DENND2A: variants seen among roughly 807,000 people sequenced by gnomAD.
The protein encoded by DENND2A is DENN domain-containing protein 2A.
Under a neutral mutation model 105.3 loss-of-function variants are expected in DENND2A, and 53 were observed. The observed-to-expected ratio is 0.50, with a 90% CI of 0.40 to 0.63. The LOEUF (loss-of-function observed/expected upper bound fraction) is 0.63. Among genes scored for constraint, DENND2A ranks in the 30% least tolerant of loss-of-function variants. DENND2A has a pLI of 0.00. For missense variants in DENND2A, 1,138 were observed against 1,279.6 expected (o/e 0.89, Z 1.69); for synonymous variants, 522 against 508.4 (o/e 1.03, Z -0.36).
At chr7:140,634,186 G>T (rs1261180116) in intron 1 of DENND2A, among the ~76,000 whole-genome samples, 1 of 151,882 alleles carries the variant, frequency 6.6e-6, no homozygotes, top group African/African-American at 2.4e-5. Flanking sequence ...TTTTAGTAGA[G>T]ACGGGGTTTC....
At chr7:140,623,794 C>T (rs1352656522) in intron 1 of DENND2A, among the ~76,000 whole-genome samples, 1 of 151,850 alleles carries the variant, frequency 6.6e-6, no homozygotes, top group African/African-American at 2.4e-5. Context: ...TTTAAATAGG[C>T]CACAGTATCA....
chr7:140,600,612 T>C (rs1799448599), intron 3 of DENND2A, among the ~76,000 whole-genome samples: 1 of 151,990 alleles, frequency 6.6e-6, no homozygotes, highest in Non-Finnish European at 1.5e-5. Flanking sequence ...CAATTGGATT[T>C]AGCAAGATGG....
chr7:140,602,384 C>G lies in DENND2A; in HGVS notation c.14G>C (p.Ser5Thr). Residue 5 changes from serine (S) to threonine (T), a missense_variant, in exon 3 of 20, where the codon AGC becomes ACC. This residue lies in a region of DENND2A where 511 missense variants were observed against 499.9 expected (regional missense o/e 1.02). Coordinates refer to ENST00000496613, the MANE Select transcript of DENND2A (RefSeq NM_015689.5). ...TGGGTCACTGATGATCATATCCAAG[C>G]TGAACATATCCATTCTTGACTCTAG... MDMFSLDMIISDPAA... is the reference protein window; with the variant it reads MDMFTLDMIISDPAA... The G allele has an allele frequency of 1.3e-6, 2 of 1,571,740 alleles. No individual in the cohort carries two copies. Among genetic ancestry groups the G allele is most frequent in the East Asian group, 4.5e-5 (2 of 44,404 alleles).
chr7:140,601,661 C>A lies in DENND2A; in HGVS notation c.737G>T (p.Ser246Ile). The A allele has an allele frequency of 6.2e-7, 1 of 1,613,074 alleles. No individual in the cohort carries two copies. The highest frequency in any genetic ancestry group is 1.1e-5 in the South Asian group (1 of 91,010). The change falls in exon 3 of 20, where the codon AGC becomes ATC. Residue 246 changes from serine to isoleucine, a missense_variant. Physicochemically the swap from Ser to Ile is moderately radical, Grantham distance 142 (BLOSUM62 -2). This residue lies in a region of DENND2A where 511 missense variants were observed against 499.9 expected (regional missense o/e 1.02). Coordinates refer to ENST00000496613, the MANE Select transcript of DENND2A (RefSeq NM_015689.5). ...CGAGCCCCTATACACGTTCTCAAGG[C>A]TCCGGTCCCAGGGCCTTCTGCATGA... ...KGSCRRPWDRSLENVYRGSEG... is the reference protein window; with the variant it reads ...KGSCRRPWDRILENVYRGSEG...
chr7:140,588,202 T>C (rs1362627237), intron 3 of DENND2A, among the ~76,000 whole-genome samples: 1 of 152,174 alleles, frequency 6.6e-6, no homozygotes, highest in Non-Finnish European at 1.5e-5. Context: ...GTGCCCGGCC[T>C]GAAATCAACT....
intron 13 of DENND2A, among the ~76,000 whole-genome samples, chr7:140,545,473 C>T (rs1796857409): frequency 6.6e-6 from 1 of 152,146 alleles, no homozygotes; most frequent in South Asian, 2.1e-4. Context: ...GCCTCAGCTT[C>T]CCAAGTAGCT....
At chr7:140,622,753 G>A (rs1402907835) in intron 1 of DENND2A, among the ~76,000 whole-genome samples, 1 of 151,982 alleles carries the variant, frequency 6.6e-6, no homozygotes, top group Non-Finnish European at 1.5e-5. Context: ...TTATTTTTAT[G>A]TGGAGATGGG....
At position 140,531,626 on chromosome 7, in the gene DENND2A, C is replaced by A. The variant is rs1335069077; in HGVS notation, c.2328-4131G>T. On this transcript the variant is annotated intron_variant, in intron 14 of 19. Coordinates refer to ENST00000496613, the MANE Select transcript of DENND2A (RefSeq NM_015689.5). ...CTATACTGACCAACATGGAGAAACCCCGTCTCTACTAAAAATACAAAAAAT... is the reference window on the plus strand; with the variant it reads ...CTATACTGACCAACATGGAGAAACCACGTCTCTACTAAAAATACAAAAAAT... Among the ~76,000 whole-genome samples the A allele has an allele frequency of 2.6e-5, 4 of 151,398 alleles. 1 individual carries two copies. Among genetic ancestry groups the A allele is most frequent in the African/African-American group, 9.8e-5 (4 of 41,000 alleles).
At chr7:140,630,423 G>C (rs926686259) in intron 1 of DENND2A, among the ~76,000 whole-genome samples, 1 of 152,086 alleles carries the variant, frequency 6.6e-6, no homozygotes, top group African/African-American at 2.4e-5. Context: ...ATGCCTAACC[G>C]AGACTTTGGT....
chr7:140,557,065 C>T (rs745928939), intron 11 of DENND2A, among the ~76,000 whole-genome samples: 8 of 151,910 alleles, frequency 5.3e-5, no homozygotes, highest in Non-Finnish European at 8.8e-5. Flanking sequence ...AAAAAAAATT[C>T]GCTTAAAGAG....
At chr7:140,520,646 C>T (rs1272016135) in intron 18 of DENND2A, among the ~76,000 whole-genome samples, 4 of 151,916 alleles carry the variant, frequency 2.6e-5, no homozygotes, top group Non-Finnish European at 4.4e-5. Context: ...GCAAGCTCTG[C>T]CTCCTGGGTT....
In DENND2A at chr7:140,525,781, A is replaced by C. The variant is rs766042489; in HGVS notation, c.2517T>G (p.Val839=). 1 of 1,604,724 alleles carries C rather than the reference A, an allele frequency of 6.2e-7. No homozygotes were observed. Among genetic ancestry groups the C allele is most frequent in the Admixed American group, 1.7e-5 (1 of 58,990 alleles). ...RELPLEEVLV[V]DLVNSRFLRQ... The stretch of plus-strand genomic sequence containing the variant: ...TGAGGAACCGGCTGTTGACGAGGTC[A>C]ACCACAAGGACCTATGAGATGAGAC... The change falls in exon 16 of 20, where the codon GTT becomes GTG. Residue 839 remains valine (V), a synonymous_variant. Transcript: ENST00000496613.
intron 14 of DENND2A, among the ~76,000 whole-genome samples, chr7:140,530,647 G>T (rs896674283): frequency 2.6e-5 from 4 of 151,974 alleles, no homozygotes; most frequent in Non-Finnish European, 5.9e-5. Flanking sequence ...AAAAAAAAGA[G>T]TGAGAGAATA....
chr7:140,550,288 G>A, intron 12 of DENND2A, among the ~76,000 whole-genome samples: 1 of 152,096 alleles, frequency 6.6e-6, no homozygotes, highest in Non-Finnish European at 1.5e-5. Flanking sequence ...TGCCTCTCAG[G>A]TTCAAACGAT....
chr7:140,529,122 A>G (rs1042733704), intron 14 of DENND2A, among the ~76,000 whole-genome samples: 2 of 151,654 alleles, frequency 1.3e-5, no homozygotes, highest in Non-Finnish European at 2.9e-5. Context: ...GAAACAAAAC[A>G]CCAAAAAAAA....
chr7:140,541,989 T>C (rs77033910), intron 14 of DENND2A, among the ~76,000 whole-genome samples: 33 of 152,132 alleles, frequency 2.2e-4, no homozygotes, highest in African/African-American at 7.0e-4. Flanking sequence ...CCTTTTTTTT[T>C]CCTTCCCTTT....
At chr7:140,555,491 T>C in intron 12 of DENND2A, 145 bp downstream of exon 12, 1 of 699,866 alleles carries the variant, frequency 1.4e-6, no homozygotes, top group Non-Finnish European at 2.4e-6. Context: ...AATAGAGGGG[T>C]GATGAGGAGA....
intron 1 of DENND2A, among the ~76,000 whole-genome samples, chr7:140,611,437 G>A (rs964654257): frequency 1.3e-5 from 2 of 152,142 alleles, no homozygotes; most frequent in African/African-American, 4.8e-5. Flanking sequence ...TACGCAGGAG[G>A]CTTAGGGGGA....
intron 9 of DENND2A, among the ~76,000 whole-genome samples, chr7:140,566,096 A>G (rs1797824444): frequency 6.6e-6 from 1 of 152,186 alleles, no homozygotes; most frequent in East Asian, 1.9e-4. Context: ...ACTTTTTGCA[A>G]TCTCTGCTCA....
Sources: gnomAD v4.1 joint callset for allele counts (sites outside exome capture counted in the v4.1 genomes callset) on GRCh38, gnomAD v4.1.1 for gene constraint, gnomAD v4.1.1 regional missense constraint, MANE v1.5 for transcripts, NCBI Gene and HGNC (gene_info 2026-07-23, HGNC 2026-07-21) for gene names.